The following DAPK1 variants were observed in gnomAD, a reference collection of about 807,000 sequenced individuals.
The protein encoded by DAPK1 is death-associated protein kinase 1.
DAPK1 carries 56 observed loss-of-function variants against 144.9 expected under a neutral mutation model. The observed-to-expected ratio is 0.39, with a 90% confidence interval of 0.31 to 0.48. DAPK1 has a LOEUF of 0.48. DAPK1 is among the 20% of genes least tolerant of loss of function. The pLI is 0.95. For missense variants in DAPK1, 1,454 were observed against 1,875.4 expected, an observed-to-expected ratio of 0.78 and a Z score of 4.15; for synonymous variants, 690 against 749.0, an observed-to-expected ratio of 0.92 and a Z score of 1.29.
chr9:87,505,103 G>C (rs1291755113), intron 2 of DAPK1, among the ~76,000 whole-genome samples: 1 of 152,194 alleles, frequency 6.6e-6, no homozygotes, highest in Non-Finnish European at 1.5e-5. Context: ...CAGATGATTA[G>C]GGGTGAGGGG....
chr9:87,645,781 C>A, intron 11 of DAPK1, 114 bp from the exon 12 acceptor site: 1 of 1,383,264 alleles, frequency 7.2e-7, no homozygotes, highest in South Asian at 1.4e-5. Flanking sequence ...GAGTAAATGG[C>A]TTACTTTCCT....
At chr9:87,640,089 G>A (rs1336105233) in intron 7 of DAPK1, among the ~76,000 whole-genome samples, 1 of 152,178 alleles carries the variant, frequency 6.6e-6, no homozygotes, top group Non-Finnish European at 1.5e-5. Context: ...ACTACCAGAC[G>A]CTGTTCCAGA....
chr9:87,626,463 CAAGT>C (rs1024792581), intron 3 of DAPK1, among the ~76,000 whole-genome samples: 1 of 151,762 alleles, frequency 6.6e-6, no homozygotes, highest in African/African-American at 2.4e-5. Context: ...CAACAACAAG[CAAGT>C]GAGGACGCGA....
Position 87,708,576 on chromosome 9 carries a change from C to T in DAPK1, c.*1212C>T, listed in dbSNP as rs1275799251. 6.6e-6 allele frequency: 1 copy of T among 152,288 alleles called. No individual in the cohort carries two copies. The highest frequency in any genetic ancestry group is 1.5e-5 in the Non-Finnish European group (1 of 67,974). The allele number at this position is 152,288 out of a possible 1,614,324, so 9.4% of individuals were successfully genotyped here. On this transcript the variant is annotated 3_prime_UTR_variant, in exon 26 of 26. Coordinates refer to ENST00000408954, the MANE Select transcript of DAPK1 (RefSeq NM_004938.4). ...TATTTTTACTTAATCTATAAAATGT[C>T]GTTAAAAAGTTGTTTGTTTTTTTCT...
At chr9:87,568,626 G>A (rs1422284741) in intron 2 of DAPK1, among the ~76,000 whole-genome samples, 6 of 152,182 alleles carry the variant, frequency 3.9e-5, no homozygotes, top group East Asian at 1.9e-4. Context: ...CAGCCTGACC[G>A]TGCCTCCTCC....
At chr9:87,639,961 T>C in intron 7 of DAPK1, 146 bp downstream of exon 7, 1 of 830,476 alleles carries the variant, frequency 1.2e-6, no homozygotes, top group Non-Finnish European at 1.9e-6. Flanking sequence ...AAAACATGTT[T>C]AGTTTATACT....
At chr9:87,684,920 T>C (rs1824783673) in intron 20 of DAPK1, among the ~76,000 whole-genome samples, 1 of 152,210 alleles carries the variant, frequency 6.6e-6, no homozygotes, top group Non-Finnish European at 1.5e-5. Flanking sequence ...CAGGAATGAC[T>C]GCCATTTACC....
chr9:87,619,951 C>T (rs1829229632), intron 3 of DAPK1, among the ~76,000 whole-genome samples: 1 of 152,184 alleles, frequency 6.6e-6, no homozygotes, highest in Non-Finnish European at 1.5e-5. Context: ...GTCTCCTTTA[C>T]CCATTACAGC....
At chr9:87,507,109 G>A (rs958113872) in intron 2 of DAPK1, 1 of 152,316 alleles carries the variant, frequency 6.6e-6, no homozygotes. Context: ...CAATAGTGAC[G>A]CGGGTTTGTC....
intron 19 of DAPK1, among the ~76,000 whole-genome samples, chr9:87,675,697 C>T (rs2119309026): frequency 6.6e-6 from 1 of 152,124 alleles, no homozygotes; most frequent in South Asian, 2.1e-4. Context: ...GTGATCTTGG[C>T]AGCCAGGGGA....
chr9:87,706,257 C>A lies in DAPK1; in HGVS notation c.3186C>A (p.Gly1062=). ...CACGGGCGCTGCACCACTACCGGGG[C>A]CGCTACACCGTGGAGGACATCCAGC... The part of the protein sequence containing the change: ...ETPRALHHYR[G]RYTVEDIQRL... Residue 1062 remains glycine (G), a synonymous_variant, in exon 26 of 26, where the codon GGC becomes GGA. Transcript: ENST00000408954. This position sits in a 1 kb window ranked among gnomAD's most constrained non-coding sequence, Gnocchi z 9.0. 1 of 1,613,706 alleles carries A rather than the reference C, an allele frequency of 6.2e-7. No individual in the cohort carries two copies. Among genetic ancestry groups the A allele is most frequent in the Admixed American group, 1.7e-5 (1 of 59,998 alleles).
At chr9:87,497,728 C>T, upstream of DAPK1, 1 of 266,220 alleles carries the variant, frequency 3.8e-6, no homozygotes, top group East Asian at 7.0e-5. Flanking sequence ...GAGCAGCGAG[C>T]GCCGCGCAGA....
intron 17 of DAPK1, among the ~76,000 whole-genome samples, chr9:87,652,773 G>A (rs1214880287): frequency 2.0e-5 from 3 of 147,276 alleles, no homozygotes; most frequent in African/African-American, 7.6e-5. Context: ...CCTGATCCCG[G>A]GTCCTGATTC....
At chr9:87,499,282 C>A in intron 2 of DAPK1, 143 bp downstream of exon 2, 2 of 783,470 alleles carry the variant, frequency 2.6e-6, no homozygotes, top group Non-Finnish European at 4.2e-6. Flanking sequence ...AAAAGAGTTA[C>A]TAACCCAGCG....
chr9:87,555,313 C>T (rs1216287420), intron 2 of DAPK1, among the ~76,000 whole-genome samples: 1 of 152,102 alleles, frequency 6.6e-6, no homozygotes, highest in African/African-American at 2.4e-5. Context: ...CTTGTCTTGA[C>T]CTCTTAAGCA....
intron 14 of DAPK1, among the ~76,000 whole-genome samples, chr9:87,648,363 A>G (rs891584240): frequency 2.0e-5 from 3 of 152,274 alleles, no homozygotes. Flanking sequence ...GTTTCTAATC[A>G]TAGGCAATGA....
At chr9:87,688,344 A>T (rs1824940442) in intron 21 of DAPK1, among the ~76,000 whole-genome samples, 1 of 152,136 alleles carries the variant, frequency 6.6e-6, no homozygotes, top group Non-Finnish European at 1.5e-5. Context: ...TCTGCCATTG[A>T]TGGGCGCCTA....
At position 87,707,360 on chromosome 9, in the gene DAPK1, G is replaced by A. The variant is rs948225567; in HGVS notation, c.4289G>A (p.Arg1430Gln). The A allele has an allele frequency of 1.9e-6, 3 of 1,593,618 alleles. No homozygotes were observed. The highest frequency in any genetic ancestry group is 8.6e-7 in the Non-Finnish European group (1 of 1,166,836). The change falls in exon 26 of 26, where the codon CGG becomes CAG. Residue 1430 changes from arginine to glutamine, a missense_variant. Physicochemically the swap from Arg to Gln is conservative, Grantham distance 43. Transcript: ENST00000408954. The surrounding 1 kb of genome is among the most constrained non-coding windows in gnomAD (Gnocchi z 4.0). ...SYNSISSVVSR is the reference protein window; with the variant it reads ...SYNSISSVVSQ ...AATTCCATTAGCTCTGTTGTATCCC[G>A]GTGAGGGCAGCCTCTGGCTTGGGCA...
At position 87,688,649 on chromosome 9, in the gene DAPK1, C is replaced by T. The variant is rs528018185; in HGVS notation, c.2413+1910C>T. Among the ~76,000 whole-genome samples the T allele has an allele frequency of 2.0e-5, 3 of 152,180 alleles. No individual in the cohort carries two copies. The South Asian group carries it at 6.2e-4, about 32-fold the overall frequency. ...TTCTGATTGGTGTGAAATGGTATCTCATTGTGGTTTTGATTTGCATTTCTC... is the reference window on the plus strand; with the variant it reads ...TTCTGATTGGTGTGAAATGGTATCTTATTGTGGTTTTGATTTGCATTTCTC... On this transcript the variant is annotated intron_variant, in intron 21 of 25. Coordinates refer to ENST00000408954, the MANE Select transcript of DAPK1 (RefSeq NM_004938.4).
Sources: allele counts gnomAD v4.1 joint callset (sites outside exome capture counted in the v4.1 genomes callset), GRCh38; gene constraint gnomAD v4.1.1; non-coding constraint Gnocchi (gnomAD v3.1); transcripts MANE v1.5; gene names NCBI Gene and HGNC (gene_info 2026-07-23, HGNC 2026-07-21).